The following DDX10 variants were observed in gnomAD, a reference collection of about 807,000 sequenced individuals.
The protein encoded by DDX10 is probable ATP-dependent RNA helicase DDX10.
Under a neutral mutation model 104.3 loss-of-function variants are expected in DDX10, and 74 were observed. The ratio of observed to expected loss-of-function variants is 0.71; its 90% CI spans 0.59 to 0.86. The LOEUF (loss-of-function observed/expected upper bound fraction) is 0.86, where lower values mean the gene tolerates loss of function less well. Among genes scored for constraint, DDX10 ranks in the 40% least tolerant of loss-of-function variants. The pLI is 0.00. For synonymous variants in DDX10, 351 were observed against 353.4 expected (o/e 0.99, Z 0.08); for missense variants, 952 against 1,040.0 (o/e 0.92, Z 1.16).
chr11:108,689,804 T>A (rs991785361), intron 7 of DDX10, among the ~76,000 whole-genome samples: 1 of 152,232 alleles, frequency 6.6e-6, no homozygotes, highest in Non-Finnish European at 1.5e-5. Flanking sequence ...CAATTCTAGA[T>A]TTACAGCTTT....
At chr11:108,936,750 T>C (rs1565324131) in intron 17 of DDX10, among the ~76,000 whole-genome samples, 2 of 152,194 alleles carry the variant, frequency 1.3e-5, no homozygotes. Flanking sequence ...AAATTAAAAG[T>C]AGCTATCCCT....
At chr11:108,691,441 A>G (rs2134450353) in intron 7 of DDX10, among the ~76,000 whole-genome samples, 1 of 152,340 alleles carries the variant, frequency 6.6e-6, no homozygotes, top group African/African-American at 2.4e-5. Context: ...AGATATATTT[A>G]CAATGTTTTT....
rs905796925 is a variant in DDX10, at chr11:108,692,011, G to T, written c.1111G>T (p.Ala371Ser). The T allele has an allele frequency of 3.7e-6, 6 of 1,611,902 alleles. No homozygotes were observed. The highest frequency in any genetic ancestry group is 1.3e-5 in the African/African-American group (1 of 74,840). ...FVRKRAAVLFATDIAARGLDF... is the reference protein window; with the variant it reads ...FVRKRAAVLFSTDIAARGLDF... ...CCGTAAGAGAGCTGCAGTACTCTTT[G>T]CTACTGATATTGCAGCCAGGGGTCT... Residue 371 changes from alanine to serine, a missense_variant, in exon 8 of 18, where the codon GCT (alanine) becomes TCT (serine). By Grantham distance (99) the Ala-to-Ser change is moderately conservative. Transcript: ENST00000322536.
intron 13 of DDX10, among the ~76,000 whole-genome samples, chr11:108,804,173 A>G (rs1862064963): frequency 6.6e-6 from 1 of 152,164 alleles, no homozygotes; most frequent in Non-Finnish European, 1.5e-5. Flanking sequence ...GAGCAGTTCC[A>G]AGTCAACTTA....
At chr11:108,798,831 C>CT (rs371143799) in intron 13 of DDX10, among the ~76,000 whole-genome samples, 117 of 148,454 alleles carry the variant, frequency 7.9e-4, no homozygotes, top group South Asian at 2.6e-3. Context: ...TTTTTGGAAT[C>CT]TTTTTTTTTT....
intron 13 of DDX10, among the ~76,000 whole-genome samples, chr11:108,811,828 G>T (rs374076912): frequency 1.6e-4 from 24 of 147,058 alleles, no homozygotes; most frequent in African/African-American, 5.7e-4. Context: ...TGGTTAGTTG[G>T]GTCAAATAGA....
chr11:108,852,759 C>A (rs1321750572), intron 16 of DDX10, among the ~76,000 whole-genome samples: 1 of 152,090 alleles, frequency 6.6e-6, no homozygotes, highest in East Asian at 1.9e-4. Flanking sequence ...TAAACACTGT[C>A]CATGTGCAGC....
At position 108,691,994 on chromosome 11, in the gene DDX10, G is replaced by A. The variant is rs2094253356; in HGVS notation, c.1094G>A (p.Arg365Lys). 1 of 1,613,814 alleles carries A rather than the reference G, an allele frequency of 6.2e-7. No individual in the cohort carries two copies. The highest frequency in any genetic ancestry group is 1.7e-5 in the Admixed American group (1 of 59,970). The change falls in exon 8 of 18, where the codon AGA becomes AAA. Residue 365 changes from arginine to lysine, a missense_variant. By Grantham distance (26) the Arg-to-Lys change is conservative (BLOSUM62 2). Coordinates refer to ENST00000322536, the MANE Select transcript of DDX10 (RefSeq NM_004398.4). ...MEVYNEFVRK[R>K]AAVLFATDIA... ...GTCTATAATGAGTTTGTCCGTAAGA[G>A]AGCTGCAGTACTCTTTGCTACTGAT...
intron 16 of DDX10, among the ~76,000 whole-genome samples, chr11:108,870,356 G>A (rs749409252): frequency 1.3e-5 from 2 of 152,062 alleles, no homozygotes; most frequent in African/African-American, 4.8e-5. Flanking sequence ...AAAGTAAGTC[G>A]CATATTATAA....
At position 108,917,877 on chromosome 11, in the gene DDX10, A is replaced by C; in HGVS notation, c.2309A>C (p.Lys770Thr). 1 of 1,609,238 alleles carries C rather than the reference A, an allele frequency of 6.2e-7. No individual in the cohort carries two copies. Among genetic ancestry groups the C allele is most frequent in the Non-Finnish European group, 8.5e-7 (1 of 1,179,346 alleles). ...TCCCTTATTATTATTTTTTAGGCCA[A>C]AGATGAAGAGGAAGCCTTTCTGGAT... The part of the protein sequence containing the change: ...REANKRQAKA[K>T]DEEEAFLDWS... Residue 770 changes from lysine (K) to threonine (T), a missense_variant, in exon 17 of 18, where the codon AAA becomes ACA. Lys to Thr is a moderately conservative substitution (Grantham distance 78). Around this residue, in one of 3 missense-constraint regions of DDX10, gnomAD observed 533 missense variants for 534.1 expected, o/e 1.00. Transcript: ENST00000322536.
At chr11:108,798,573 G>C (rs892085569) in intron 13 of DDX10, among the ~76,000 whole-genome samples, 1 of 152,140 alleles carries the variant, frequency 6.6e-6, no homozygotes, top group Non-Finnish European at 1.5e-5. Flanking sequence ...TGACTGGCTT[G>C]TTTCACTTAG....
chr11:108,811,082 T>G (rs1005626291), intron 13 of DDX10, among the ~76,000 whole-genome samples: 5 of 152,194 alleles, frequency 3.3e-5, no homozygotes, highest in African/African-American at 1.2e-4. Context: ...CTAGATTCTG[T>G]TGAATCAATC....
At chr11:108,819,797 C>T (rs1290844019) in intron 13 of DDX10, among the ~76,000 whole-genome samples, 2 of 152,116 alleles carry the variant, frequency 1.3e-5, no homozygotes, top group African/African-American at 4.8e-5. Context: ...CGAGGTTTCA[C>T]CATGTTGGTC....
intron 9 of DDX10, among the ~76,000 whole-genome samples, chr11:108,703,677 G>A (rs1199789282): frequency 1.3e-5 from 2 of 152,078 alleles, no homozygotes; most frequent in Admixed American, 1.3e-4. Context: ...GTTTAGCCTT[G>A]GGCCTTGAAT....
intron 13 of DDX10, among the ~76,000 whole-genome samples, chr11:108,789,966 G>A (rs1019455635): frequency 6.6e-6 from 1 of 152,144 alleles, no homozygotes; most frequent in Non-Finnish European, 1.5e-5. Context: ...AATAGCTGGG[G>A]AGGGGGACCA....
intron 16 of DDX10, among the ~76,000 whole-genome samples, chr11:108,893,592 G>C (rs1431146523): frequency 2.0e-5 from 3 of 150,304 alleles, no homozygotes; most frequent in Non-Finnish European, 1.5e-5. Flanking sequence ...TTTTTTTGGA[G>C]GGAAAAAATT....
intron 9 of DDX10, among the ~76,000 whole-genome samples, chr11:108,695,311 A>G (rs982825134): frequency 9.2e-5 from 14 of 152,222 alleles, no homozygotes; most frequent in Non-Finnish European, 4.4e-5. Flanking sequence ...CTTTCTCATC[A>G]AAACTGGATG....
intron 9 of DDX10, among the ~76,000 whole-genome samples, chr11:108,705,057 C>G (rs140867704): frequency 2.0e-5 from 3 of 152,312 alleles, no homozygotes; most frequent in Non-Finnish European, 2.9e-5. Flanking sequence ...ATTCTACTTA[C>G]ATATTGGTGG....
At chr11:108,845,102 G>A (rs1862696325) in intron 15 of DDX10, among the ~76,000 whole-genome samples, 1 of 152,028 alleles carries the variant, frequency 6.6e-6, no homozygotes, top group African/African-American at 2.4e-5. Flanking sequence ...CAGCTACTCC[G>A]GAGGCTGAGG....
Sources: gnomAD v4.1 joint callset for allele counts (sites outside exome capture counted in the v4.1 genomes callset) on GRCh38, gnomAD v4.1.1 for gene constraint, gnomAD v4.1.1 regional missense constraint, MANE v1.5 for transcripts, NCBI Gene and HGNC (gene_info 2026-07-23, HGNC 2026-07-21) for gene names.